Variants in MIB1 observed in about 807,000 individuals in gnomAD.
The protein encoded by MIB1 is E3 ubiquitin-protein ligase MIB1.
In MIB1, 278 loss-of-function variants were observed where a neutral mutation model predicts 124.5. The ratio of observed to expected loss-of-function variants is 2.23; its 90% CI spans 2.02 to 2.47. The LOEUF is 2.47. Among genes scored for constraint, MIB1 ranks in the 30% most tolerant of loss-of-function variants. The probability of loss-of-function intolerance (pLI) is 0.00; values close to 1 mark genes in which losing one functional copy is unlikely to be tolerated. For missense variants in MIB1, 957 were observed against 1,254.4 expected, an observed-to-expected ratio of 0.76 and a Z score of 3.58; for synonymous variants, 446 against 429.4, an observed-to-expected ratio of 1.04 and a Z score of -0.48.
At chr18:21,818,021 G>C (rs1403053963) in intron 11 of MIB1, among the ~76,000 whole-genome samples, 4 of 152,154 alleles carry the variant, frequency 2.6e-5, no homozygotes, top group African/African-American at 9.7e-5. Flanking sequence ...TAAGTCAATT[G>C]ATTAATGTAA....
In MIB1 at chr18:21,866,780, CATT is replaced by C. The variant is rs2042324341; in HGVS notation, c.*2117_*2119del. ...TAAATTTTTATTATAGAAATAATGTCATTATAATTTTAGTGCTAGTACTTGTGG... is the reference window on the plus strand; with the variant it reads ...TAAATTTTTATTATAGAAATAATGTCATAATTTTAGTGCTAGTACTTGTGG... On this transcript the variant is annotated 3_prime_UTR_variant, in exon 21 of 21. Transcript: ENST00000261537. 1 of 152,180 alleles carries C rather than the reference CATT, an allele frequency of 6.6e-6. No individual in the cohort carries two copies. The highest frequency in any genetic ancestry group is 1.9e-4 in the East Asian group (1 of 5,200). The allele number at this position is 152,180 out of a possible 1,614,324, so 9.4% of individuals were successfully genotyped here.
intron 6 of MIB1, 167 bp from the exon 7 acceptor site, chr18:21,791,207 C>G (rs1348719626): frequency 7.3e-6 from 3 of 409,848 alleles, no homozygotes; most frequent in African/African-American, 6.4e-5. Context: ...AAACAGAAAA[C>G]AAACAATGTA....
At chr18:21,773,196 G>A (rs1193209543) in intron 3 of MIB1, among the ~76,000 whole-genome samples, 5 of 152,132 alleles carry the variant, frequency 3.3e-5, no homozygotes, top group East Asian at 1.9e-4. Flanking sequence ...CCCGGGAGGC[G>A]GAGGTTGCAT....
chr18:21,858,754 T>C, intron 20 of MIB1, 108 bp downstream of exon 20: 1 of 609,524 alleles, frequency 1.6e-6, no homozygotes, highest in South Asian at 2.5e-5. Context: ...GTGTATCACT[T>C]GTATTATTTG....
intron 9 of MIB1, among the ~76,000 whole-genome samples, chr18:21,802,051 C>T (rs2041656055): frequency 6.6e-6 from 1 of 152,054 alleles, no homozygotes; most frequent in South Asian, 2.1e-4. Context: ...TTTTTAACTT[C>T]ACAATTAAGT....
intron 1 of MIB1, among the ~76,000 whole-genome samples, chr18:21,761,918 A>T (rs2041102008): frequency 7.2e-6 from 1 of 139,284 alleles, no homozygotes; most frequent in East Asian, 2.3e-4. Flanking sequence ...CACATAGAAA[A>T]TGTGTACCCA....
intron 1 of MIB1, among the ~76,000 whole-genome samples, chr18:21,765,084 T>C (rs2041141680): frequency 6.6e-6 from 1 of 152,220 alleles, no homozygotes; most frequent in Non-Finnish European, 1.5e-5. Context: ...TTTCATTACT[T>C]ATATTGGTAC....
chr18:21,709,340 G>A (rs972479532), intron 1 of MIB1, among the ~76,000 whole-genome samples: 2 of 147,716 alleles, frequency 1.4e-5, no homozygotes, highest in Non-Finnish European at 3.0e-5. Flanking sequence ...AAAAAAAGTC[G>A]TGGTGCTGGT....
chr18:21,848,359 A>C (rs973530848), intron 16 of MIB1, among the ~76,000 whole-genome samples: 3 of 151,998 alleles, frequency 2.0e-5, no homozygotes, highest in African/African-American at 7.3e-5. Context: ...GAGGCAGGAG[A>C]ATTGCTTGAA....
chr18:21,834,292 G>T (rs1415246264), intron 12 of MIB1, among the ~76,000 whole-genome samples: 1 of 152,084 alleles, frequency 6.6e-6, no homozygotes, highest in Non-Finnish European at 1.5e-5. Context: ...CTTTTCTTGA[G>T]GCCCTGTATT....
intron 13 of MIB1, among the ~76,000 whole-genome samples, chr18:21,842,065 C>G (rs1357570450): frequency 3.5e-5 from 4 of 112,690 alleles, no homozygotes; most frequent in Non-Finnish European, 6.6e-5. Flanking sequence ...GCACTCCAGC[C>G]TGGGTGACAG....
intron 20 of MIB1, among the ~76,000 whole-genome samples, chr18:21,860,940 G>A (rs2042271318): frequency 6.6e-6 from 1 of 152,182 alleles, no homozygotes; most frequent in African/African-American, 2.4e-5. Context: ...TTGGGGAACT[G>A]AGGCAGGAGG....
chr18:21,786,410 A>G (rs191015240), intron 6 of MIB1, among the ~76,000 whole-genome samples: 88 of 152,168 alleles, frequency 5.8e-4, no homozygotes, highest in Non-Finnish European at 1.0e-3. Flanking sequence ...TTTGGTTATT[A>G]TTTGGATTTA....
In MIB1 at chr18:21,787,918, T is replaced by C. The variant is rs184358346; in HGVS notation, c.909-3456T>C. On this transcript the variant is annotated intron_variant, in intron 6 of 20. Transcript: ENST00000261537. ...ACTTATGTACCTTTTAACATACTAC[T>C]CCCTTTAAGTAAAATGCCTGCTCCT... 3.3e-5 allele frequency among the ~76,000 whole-genome samples: 5 copies of C among 152,224 alleles called. No homozygotes were observed. The East Asian group carries it at 9.7e-4, about 29-fold the overall frequency.
At chr18:21,861,469 A>G (rs2042275702) in intron 20 of MIB1, among the ~76,000 whole-genome samples, 2 of 152,138 alleles carry the variant, frequency 1.3e-5, no homozygotes, top group Middle Eastern at 3.4e-3. Context: ...TGAACCCTAT[A>G]TGGATCCTAA....
chr18:21,838,500 A>G lies in MIB1; in HGVS notation c.1962+3A>G. ...TGGCTGAACTGTTGGTACATCAGGT[A>G]AGAAAAGAGTTAAATAATTCCCTCT... On this transcript the variant is annotated splice_donor_region_variant and intron_variant, in intron 13 of 20. Transcript: ENST00000261537. The G allele has an allele frequency of 6.3e-7, 1 of 1,584,026 alleles. No homozygotes were observed. The highest frequency in any genetic ancestry group is 8.6e-7 in the Non-Finnish European group (1 of 1,169,448).
upstream of MIB1, among the ~76,000 whole-genome samples, chr18:21,739,192 A>C (rs2040814191): frequency 6.6e-6 from 1 of 152,222 alleles, no homozygotes; most frequent in South Asian, 2.1e-4. Flanking sequence ...TCTAGAAGAA[A>C]TGGATAAATT....
rs148878205 is a variant in MIB1 at position 21,716,898 on chromosome 18, A to G, written n.167+11775A>G. Among the ~76,000 whole-genome samples, 20 of 152,328 alleles carry G rather than the reference A, an allele frequency of 1.3e-4. No individual in the cohort carries two copies. The East Asian group carries it at 3.9e-3, about 29-fold the overall frequency. On this transcript the variant is annotated intron_variant and non_coding_transcript_variant, in intron 1 of 20. Coordinates refer to the MIB1 transcript ENST00000578646. ...AGGATACAGAATTGCAGAATGGATA[A>G]GAATTCACCTGTCAACTATCTGCTG...
At chr18:21,792,160 A>G (rs1268051414) in intron 7 of MIB1, among the ~76,000 whole-genome samples, 1 of 151,220 alleles carries the variant, frequency 6.6e-6, no homozygotes, top group Non-Finnish European at 1.5e-5. Flanking sequence ...GCCATCCCTT[A>G]TGCTTCCTTC....
Sources: allele counts gnomAD v4.1 joint callset (sites outside exome capture counted in the v4.1 genomes callset), GRCh38; gene constraint gnomAD v4.1.1; transcripts MANE v1.5; gene names NCBI Gene and HGNC (gene_info 2026-07-23, HGNC 2026-07-21).